Variants in SDC4 observed in about 807,000 individuals in gnomAD.
SDC4 encodes syndecan 4, also known as syndecan-4.
A neutral mutation model predicts 20.5 loss-of-function variants in SDC4; 17 were observed. The ratio of observed to expected loss-of-function variants is 0.83; its 90% CI spans 0.57 to 1.25. The LOEUF (loss-of-function observed/expected upper bound fraction) is 1.25, where lower values mean the gene tolerates loss of function less well. Among genes scored for constraint, SDC4 ranks in the 50% most tolerant of loss-of-function variants. The probability of loss-of-function intolerance (pLI) is 0.00; values close to 1 mark genes in which losing one functional copy is unlikely to be tolerated. For synonymous variants in SDC4, 107 were observed against 105.3 expected (o/e 1.02, Z -0.10); for missense variants, 241 against 252.3 (o/e 0.96, Z 0.30).
chr20:45,336,216 C>T (rs957035300), intron 1 of SDC4, among the ~76,000 whole-genome samples: 3 of 152,138 alleles, frequency 2.0e-5, no homozygotes, highest in African/African-American at 7.2e-5. Flanking sequence ...AGTTCAAGAC[C>T]AGCCTGGCCA....
intron 1 of SDC4, among the ~76,000 whole-genome samples, chr20:45,343,593 C>G (rs1987986473): frequency 6.6e-6 from 1 of 152,176 alleles, no homozygotes; most frequent in Admixed American, 6.5e-5. Flanking sequence ...AGCAAACAGC[C>G]CACTTCTAAG....
At chr20:45,328,878 C>T (rs185307830) in intron 4 of SDC4, among the ~76,000 whole-genome samples, 1 of 152,302 alleles carries the variant, frequency 6.6e-6, no homozygotes, top group East Asian at 1.9e-4. Context: ...CAGGCATCAA[C>T]CCCATTCTTG....
intron 1 of SDC4, among the ~76,000 whole-genome samples, chr20:45,346,856 G>T (rs562676792): frequency 7.4e-4 from 113 of 152,274 alleles, no homozygotes; most frequent in African/African-American, 2.6e-3. Flanking sequence ...TACCAACGAT[G>T]GGACACCTGG....
intron 3 of SDC4, among the ~76,000 whole-genome samples, chr20:45,332,526 G>C (rs553129933): frequency 2.6e-5 from 4 of 152,266 alleles, no homozygotes; most frequent in African/African-American, 4.8e-5. Context: ...AGTTGGTGTT[G>C]ACGGTGACTA....
chr20:45,329,535 T>C (rs1293507210), intron 4 of SDC4, among the ~76,000 whole-genome samples: 4 of 152,224 alleles, frequency 2.6e-5, no homozygotes, highest in Non-Finnish European at 5.9e-5. Flanking sequence ...CCAGGAACCC[T>C]CTTTACAAGA....
chr20:45,334,286 C>T (rs934185902), intron 2 of SDC4, among the ~76,000 whole-genome samples: 3 of 151,980 alleles, frequency 2.0e-5, no homozygotes, highest in South Asian at 2.1e-4. Context: ...TGTAAGCCAC[C>T]GCGCCCGGCC....
chr20:45,334,881 T>C (rs1170882766), intron 2 of SDC4, among the ~76,000 whole-genome samples: 2 of 152,226 alleles, frequency 1.3e-5, no homozygotes, highest in African/African-American at 4.8e-5. Flanking sequence ...ACAACACTGA[T>C]GTACTATCTT....
At chr20:45,333,722 C>T (rs1987816514) in intron 2 of SDC4, among the ~76,000 whole-genome samples, 1 of 152,084 alleles carries the variant, frequency 6.6e-6, no homozygotes, top group South Asian at 2.1e-4. Context: ...ACATTTTTCC[C>T]AATAATGGGC....
In SDC4 at chr20:45,325,634, C is replaced by T. The variant is rs1065649; in HGVS notation, c.*1630G>A. 120 of 145,006 alleles carry T rather than the reference C, an allele frequency of 8.3e-4. No homozygotes were observed. Among genetic ancestry groups the T allele is most frequent in the South Asian group, 4.1e-3 (19 of 4,602 alleles). The allele number at this position is 145,006 out of a possible 1,614,324, so 9.0% of individuals were successfully genotyped here. ...CATCAGCCCTCCCCCATTCCCCCCCCCCTACCCAGGGAGACAAGGGTCGTC... is the reference window on the plus strand; with the variant it reads ...CATCAGCCCTCCCCCATTCCCCCCCTCCTACCCAGGGAGACAAGGGTCGTC... On this transcript the variant is annotated 3_prime_UTR_variant, in exon 5 of 5. Coordinates refer to ENST00000372733, the MANE Select transcript of SDC4 (RefSeq NM_002999.4).
At chr20:45,334,064 G>A (rs935343968) in intron 2 of SDC4, among the ~76,000 whole-genome samples, 3 of 151,516 alleles carry the variant, frequency 2.0e-5, no homozygotes, top group Admixed American at 1.3e-4. Flanking sequence ...GTGCCATCTC[G>A]GCTCACTGCA....
At chr20:45,343,847 C>A (rs1025856689) in intron 1 of SDC4, among the ~76,000 whole-genome samples, 1 of 152,216 alleles carries the variant, frequency 6.6e-6, no homozygotes, top group African/African-American at 2.4e-5. Flanking sequence ...ATTTACAGCC[C>A]TGTCGTCTCC....
intron 1 of SDC4, among the ~76,000 whole-genome samples, chr20:45,341,048 TCA>T (rs752816721): frequency 1.9e-4 from 29 of 152,248 alleles, no homozygotes; most frequent in Non-Finnish European, 3.5e-4. Flanking sequence ...TCTGAAATCC[TCA>T]GTTTCCTCTT....
chr20:45,327,534 G>T, intron 4 of SDC4, 119 bp from the exon 5 acceptor site: 2 of 1,166,734 alleles, frequency 1.7e-6, no homozygotes, highest in Non-Finnish European at 2.4e-6. Context: ...CATCACCACT[G>T]CCTGTGCCAG....
chr20:45,332,453 GC>G lies in SDC4; in HGVS notation c.246+569del, dbSNP rs1313481987. On this transcript the variant is annotated intron_variant, in intron 3 of 4. Coordinates refer to ENST00000372733, the MANE Select transcript of SDC4 (RefSeq NM_002999.4). ...TGGGATTACAGGCATTAGCCACTGT[GC>G]CCGGCCTATATATATACTTTTCTAT... 5.3e-5 allele frequency among the ~76,000 whole-genome samples: 8 copies of G among 152,216 alleles called. 1 individual carries two copies. Among genetic ancestry groups the G allele is most frequent in the Middle Eastern group, 6.8e-3 (2 of 294 alleles).
At position 45,348,397 on chromosome 20, in the gene SDC4, T is replaced by C. The variant is rs763917465; in HGVS notation, c.-13A>G. 3.2e-6 allele frequency: 5 copies of C among 1,558,270 alleles called. No homozygotes were observed. The South Asian group carries it at 3.5e-5, about 11-fold the overall frequency. ...GGGCGGGGGCCATGGCACCGCGGAC[T>C]GGAGAAGGCGCGCAGGCTGCGGCGA... On this transcript the variant is annotated 5_prime_UTR_variant, in exon 1 of 5. Coordinates refer to ENST00000372733, the MANE Select transcript of SDC4 (RefSeq NM_002999.4).
chr20:45,331,840 T>C (rs2145708973), intron 3 of SDC4, among the ~76,000 whole-genome samples: 1 of 152,278 alleles, frequency 6.6e-6, no homozygotes, highest in Middle Eastern at 3.4e-3. Flanking sequence ...ATCTACCCCT[T>C]GCTTAACATA....
At chr20:45,345,227 G>A (rs1373574983) in intron 1 of SDC4, 1 of 152,202 alleles carries the variant, frequency 6.6e-6, no homozygotes, top group Non-Finnish European at 1.5e-5. Context: ...CAGTGTGCGG[G>A]GGGAGAGAGG....
At chr20:45,333,410 T>G (rs1987809393) in intron 2 of SDC4, among the ~76,000 whole-genome samples, 1 of 152,270 alleles carries the variant, frequency 6.6e-6, no homozygotes, top group South Asian at 2.1e-4. Flanking sequence ...GGCTCACGCC[T>G]GTAATCCCAG....
chr20:45,337,359 C>T (rs1422527991), intron 1 of SDC4, among the ~76,000 whole-genome samples: 1 of 152,192 alleles, frequency 6.6e-6, no homozygotes, highest in Admixed American at 6.5e-5. Context: ...AAGACATTCC[C>T]ATCTTCTCCA....
Sources: gnomAD v4.1 joint callset for allele counts (sites outside exome capture counted in the v4.1 genomes callset) on GRCh38, gnomAD v4.1.1 for gene constraint, MANE v1.5 for transcripts, NCBI Gene and HGNC (gene_info 2026-07-23, HGNC 2026-07-21) for gene names.